The following FHAD1 variants were observed in gnomAD, a reference collection of about 807,000 sequenced individuals.
FHAD1 encodes the protein forkhead-associated domain-containing protein 1.
Under a neutral mutation model 191.3 loss-of-function variants are expected in FHAD1, and 146 were observed. That is an observed-to-expected ratio of 0.76 (90% confidence interval 0.67 to 0.88). The LOEUF (loss-of-function observed/expected upper bound fraction) is 0.88, where lower values mean the gene tolerates loss of function less well. Among genes scored for constraint, FHAD1 ranks in the 40% least tolerant of loss-of-function variants. The pLI, the probability that FHAD1 is intolerant of heterozygous loss-of-function variation, is 0.00. For synonymous variants in FHAD1, 616 were observed against 672.3 expected (o/e 0.92, Z 1.29); for missense variants, 1,635 against 1,785.8 (o/e 0.92, Z 1.52).
intron 2 of FHAD1, among the ~76,000 whole-genome samples, chr1:15,256,557 G>A (rs1648159009): frequency 6.7e-6 from 1 of 149,666 alleles, no homozygotes; most frequent in Admixed American, 6.7e-5. Flanking sequence ...GGAGCCTGAG[G>A]CAGGAGAATT....
At chr1:15,364,957 G>A (rs973893982) in intron 23 of FHAD1, among the ~76,000 whole-genome samples, 3 of 152,214 alleles carry the variant, frequency 2.0e-5, no homozygotes, top group Admixed American at 6.5e-5. Context: ...CCCTCCAGGG[G>A]TGTGGGAGGG....
intron 6 of FHAD1, among the ~76,000 whole-genome samples, chr1:15,302,278 G>A (rs1669058431): frequency 6.6e-6 from 1 of 152,214 alleles, no homozygotes; most frequent in South Asian, 2.1e-4. Flanking sequence ...TCCAAACACA[G>A]AGGCCTTTAC....
At chr1:15,296,309 A>G (rs1049916112) in intron 4 of FHAD1, among the ~76,000 whole-genome samples, 3 of 145,084 alleles carry the variant, frequency 2.1e-5, no homozygotes, top group African/African-American at 7.8e-5. Flanking sequence ...GCTGGAGTGC[A>G]GTGGCGCAAT....
At chr1:15,321,749 G>A (rs1428230831) in intron 10 of FHAD1, among the ~76,000 whole-genome samples, 1 of 152,208 alleles carries the variant, frequency 6.6e-6, no homozygotes, top group East Asian at 1.9e-4. Context: ...GTACATTTGT[G>A]TGTGCAAGCA....
Position 15,369,390 on chromosome 1 carries a change from G to A in FHAD1, c.3335G>A (p.Arg1112Lys). The A allele has an allele frequency of 3.2e-6, 5 of 1,552,024 alleles. No individual in the cohort carries two copies. The highest frequency in any genetic ancestry group is 4.4e-6 in the Non-Finnish European group (5 of 1,147,074). ...CCTAGGGCTTCCCAAGAGAAACACA[G>A]ACTCCAGCTGAACACAGAGAAGGAA... Reference protein sequence around the residue: ...EALRASQEKHRLQLNTEKEQK... With the variant: ...EALRASQEKHKLQLNTEKEQK... Residue 1112 changes from arginine to lysine, a missense_variant, in exon 26 of 34, where the codon AGA becomes AAA. Transcript: ENST00000688493.
chr1:15,377,356 C>T (rs1247784590), intron 28 of FHAD1, among the ~76,000 whole-genome samples: 5 of 152,150 alleles, frequency 3.3e-5, no homozygotes, highest in Non-Finnish European at 7.3e-5. Context: ...TGATTCCCAG[C>T]CTGACCCGCT....
chr1:15,274,926 G>A (rs950665551), intron 3 of FHAD1, among the ~76,000 whole-genome samples: 2 of 152,170 alleles, frequency 1.3e-5, no homozygotes, highest in African/African-American at 4.8e-5. Flanking sequence ...GCTGCTAGGT[G>A]CAGCAGTATC....
intron 5 of FHAD1, among the ~76,000 whole-genome samples, chr1:15,299,616 G>A (rs966952224): frequency 1.7e-4 from 26 of 152,336 alleles, no homozygotes; most frequent in Admixed American, 1.3e-3. Flanking sequence ...CCGTGTGGAA[G>A]GGTCAGGGGT....
chr1:15,286,721 C>A (rs1484415685), intron 3 of FHAD1, among the ~76,000 whole-genome samples: 1 of 152,118 alleles, frequency 6.6e-6, no homozygotes, highest in South Asian at 2.1e-4. Flanking sequence ...AACAATTGGC[C>A]GAGAGAGGGA....
At chr1:15,241,020 G>T (rs899419226) in intron 1 of FHAD1, among the ~76,000 whole-genome samples, 8 of 151,626 alleles carry the variant, frequency 5.3e-5, no homozygotes, top group Non-Finnish European at 4.4e-5. Context: ...CCCAGTTGAG[G>T]CTCAGATGAG....
intron 23 of FHAD1, among the ~76,000 whole-genome samples, chr1:15,363,584 T>C (rs191358671): frequency 6.6e-6 from 1 of 152,304 alleles, no homozygotes; most frequent in East Asian, 1.9e-4. Flanking sequence ...GAGGATCAGC[T>C]AGAGGCAAGC....
chr1:15,240,956 CAAA>C (rs55740154), intron 1 of FHAD1, among the ~76,000 whole-genome samples: 19,295 of 124,420 alleles, frequency 0.16, 1,600 homozygotes, highest in Admixed American at 0.21. Flanking sequence ...GACTCTATCT[CAAA>C]AAAAAAAAAA....
intron 6 of FHAD1, among the ~76,000 whole-genome samples, chr1:15,308,266 C>T (rs1344217563): frequency 2.6e-5 from 4 of 152,184 alleles, no homozygotes; most frequent in Admixed American, 2.6e-4. Context: ...GCTCTGTATC[C>T]AGTCAGTACT....
chr1:15,377,605 A>G (rs1164195389), intron 28 of FHAD1, among the ~76,000 whole-genome samples: 1 of 152,186 alleles, frequency 6.6e-6, no homozygotes, highest in East Asian at 1.9e-4. Context: ...TGGGAGGCCA[A>G]GGCGGGCAGA....
At chr1:15,299,058 C>T (rs1558041497) in intron 5 of FHAD1, among the ~76,000 whole-genome samples, 1 of 150,728 alleles carries the variant, frequency 6.6e-6, no homozygotes, top group Non-Finnish European at 1.5e-5. Flanking sequence ...AAACGAGCCA[C>T]CCATAGTGGA....
intron 2 of FHAD1, among the ~76,000 whole-genome samples, chr1:15,259,875 C>G (rs1292901435): frequency 6.6e-6 from 1 of 152,098 alleles, no homozygotes; most frequent in Admixed American, 6.5e-5. Flanking sequence ...CCAGAAAGGG[C>G]CCCCCTCTCC....
intron 1 of FHAD1, among the ~76,000 whole-genome samples, chr1:15,251,294 A>C (rs981570483): frequency 2.7e-5 from 4 of 148,104 alleles, no homozygotes; most frequent in East Asian, 3.9e-4. Flanking sequence ...AACAAAAAAA[A>C]CCACCCATTT....
chr1:15,237,281 T>C (rs1644884956), intron 1 of FHAD1, among the ~76,000 whole-genome samples: 1 of 152,232 alleles, frequency 6.6e-6, no homozygotes, highest in Admixed American at 6.5e-5. Context: ...AGGCTGACTG[T>C]GGCCTTCAGT....
chr1:15,284,689 A>G lies in FHAD1; in HGVS notation c.301-4710A>G, dbSNP rs1332770374. Among the ~76,000 whole-genome samples the G allele has an allele frequency of 3.3e-5, 5 of 152,110 alleles. No homozygotes were observed. The East Asian group carries it at 9.6e-4, about 29-fold the overall frequency. Reference sequence around the variant, plus strand: ...CAGAAGCAGATGTTAGCGTAATAACACAAGAAACAAGGAGATCATCCGGAA... The same window carrying G: ...CAGAAGCAGATGTTAGCGTAATAACGCAAGAAACAAGGAGATCATCCGGAA... On this transcript the variant is annotated intron_variant, in intron 3 of 33. Transcript: ENST00000688493.
Sources: gnomAD v4.1 joint callset for allele counts (sites outside exome capture counted in the v4.1 genomes callset) on GRCh38, gnomAD v4.1.1 for gene constraint, MANE v1.5 for transcripts, NCBI Gene and HGNC (gene_info 2026-07-23, HGNC 2026-07-21) for gene names.